Variants in MECOM observed in about 807,000 individuals in gnomAD.
MECOM encodes the protein histone-lysine N-methyltransferase MECOM.
A neutral mutation model predicts 116.3 loss-of-function variants in MECOM; 13 were observed. The observed-to-expected ratio is 0.11, with a 90% CI of 0.07 to 0.18. The LOEUF (loss-of-function observed/expected upper bound fraction) is 0.18, where lower values mean the gene tolerates loss of function less well. MECOM is among the 10% of genes least tolerant of loss of function. The pLI is 1.00. For missense variants in MECOM, 1,299 were observed against 1,509.0 expected (o/e 0.86, Z 2.31); for synonymous variants, 528 against 535.2 (o/e 0.99, Z 0.19).
intron 1 of MECOM, among the ~76,000 whole-genome samples, chr3:169,648,955 C>T (rs1364550041): frequency 6.6e-6 from 1 of 152,184 alleles, no homozygotes; most frequent in Non-Finnish European, 1.5e-5. Flanking sequence ...AGAACTTGTT[C>T]TTGAACTGTG....
At chr3:169,485,956 C>CTAT (rs1560340558) in intron 1 of MECOM, among the ~76,000 whole-genome samples, 1 of 33,896 alleles carries the variant, frequency 3.0e-5, no homozygotes, top group East Asian at 8.0e-4. Context: ...TATATATGTA[C>CTAT]ATATATACTA....
chr3:169,654,233 A>G (rs1775257199), intron 1 of MECOM, among the ~76,000 whole-genome samples: 1 of 152,176 alleles, frequency 6.6e-6, no homozygotes, highest in East Asian at 1.9e-4. Context: ...TTTTAATCCT[A>G]AAGACTTAAT....
intron 1 of MECOM, among the ~76,000 whole-genome samples, chr3:169,537,790 A>G (rs1280343449): frequency 6.6e-6 from 1 of 152,150 alleles, no homozygotes; most frequent in East Asian, 1.9e-4. Context: ...CTTTAAAAAC[A>G]AAGTAAAAAA....
At chr3:169,129,719 C>A (rs893678196) in intron 4 of MECOM, among the ~76,000 whole-genome samples, 27 of 152,162 alleles carry the variant, frequency 1.8e-4, no homozygotes, top group African/African-American at 6.0e-4. Flanking sequence ...AATCTCTAGG[C>A]CACATCATGC....
At chr3:169,102,661 A>G (rs1431714769) in intron 10 of MECOM, among the ~76,000 whole-genome samples, 2 of 152,170 alleles carry the variant, frequency 1.3e-5, no homozygotes, top group Non-Finnish European at 2.9e-5. Context: ...CAGTCCCAAG[A>G]AAAGAACTGA....
Position 169,152,347 on chromosome 3 carries a change from C to T in MECOM, c.376-8515G>A, listed in dbSNP as rs148499970. 5.7e-3 allele frequency among the ~76,000 whole-genome samples: 859 copies of T among 152,006 alleles called. 8 individuals are homozygous for T. Among genetic ancestry groups the T allele is most frequent in the African/African-American group, 0.018 (750 of 41,428 alleles). ...ATTTCCCTTGGTCTGGAAATGGGCC[C>T]GACTGAAAGCATGTTAATCTCCACC... On this transcript the variant is annotated intron_variant, in intron 2 of 16. Coordinates refer to ENST00000651503, the MANE Select transcript of MECOM (RefSeq NM_004991.4).
chr3:169,260,565 G>A (rs1330036068), intron 2 of MECOM, among the ~76,000 whole-genome samples: 3 of 151,290 alleles, frequency 2.0e-5, no homozygotes, highest in African/African-American at 4.9e-5. Context: ...TTGGCTTCAC[G>A]CTAAAGTAGC....
intron 1 of MECOM, among the ~76,000 whole-genome samples, chr3:169,455,992 A>G (rs2108700241): frequency 6.6e-6 from 1 of 152,322 alleles, no homozygotes; most frequent in African/African-American, 2.4e-5. Flanking sequence ...TCATTTCATT[A>G]TCAGTGTTTC....
At chr3:169,498,911 A>C (rs183356651) in intron 1 of MECOM, among the ~76,000 whole-genome samples, 1 of 152,298 alleles carries the variant, frequency 6.6e-6, no homozygotes, top group East Asian at 1.9e-4. Flanking sequence ...GAAAAAAACC[A>C]ATTGGAAATT....
intron 2 of MECOM, among the ~76,000 whole-genome samples, chr3:169,163,029 AATG>A (rs1372963029): frequency 2.0e-5 from 3 of 152,272 alleles, no homozygotes; most frequent in African/African-American, 4.8e-5. Flanking sequence ...CATTTGCAAT[AATG>A]ATAATAATAA....
At chr3:169,646,790 A>T (rs1357548175) in intron 1 of MECOM, among the ~76,000 whole-genome samples, 1 of 152,248 alleles carries the variant, frequency 6.6e-6, no homozygotes, top group Non-Finnish European at 1.5e-5. Context: ...GTAAATGATA[A>T]GGTATAATTA....
chr3:169,570,246 G>A (rs373005987), intron 1 of MECOM, among the ~76,000 whole-genome samples: 8 of 152,116 alleles, frequency 5.3e-5, no homozygotes, highest in Admixed American at 2.6e-4. Flanking sequence ...TAGAAGAAAT[G>A]GATGAATTCC....
intron 1 of MECOM, among the ~76,000 whole-genome samples, chr3:169,632,529 G>T (rs1441910013): frequency 1.3e-5 from 2 of 152,102 alleles, no homozygotes; most frequent in East Asian, 3.9e-4. Context: ...TTTTACACAT[G>T]GGCTAACTCA....
At chr3:169,153,428 A>G (rs1741469569) in intron 2 of MECOM, among the ~76,000 whole-genome samples, 1 of 152,204 alleles carries the variant, frequency 6.6e-6, no homozygotes, top group Non-Finnish European at 1.5e-5. Flanking sequence ...TACGATTATC[A>G]TTAGTCTCAA....
intron 1 of MECOM, among the ~76,000 whole-genome samples, chr3:169,436,031 C>T (rs1335120642): frequency 2.0e-5 from 3 of 152,140 alleles, no homozygotes; most frequent in Non-Finnish European, 4.4e-5. Context: ...AACATAGGCA[C>T]TTGCTGGAAT....
intron 2 of MECOM, among the ~76,000 whole-genome samples, chr3:169,281,737 A>G (rs1241112461): frequency 2.6e-5 from 4 of 152,172 alleles, no homozygotes; most frequent in Non-Finnish European, 5.9e-5. Flanking sequence ...ACCTGAGCCC[A>G]GGAGGTTGAT....
intron 1 of MECOM, among the ~76,000 whole-genome samples, chr3:169,475,700 A>C (rs960763406): frequency 6.6e-6 from 1 of 152,250 alleles, no homozygotes; most frequent in Non-Finnish European, 1.5e-5. Flanking sequence ...CAGATTTTGT[A>C]ATCCTTTCCA....
At chr3:169,399,626 G>A (rs964167669) in intron 1 of MECOM, among the ~76,000 whole-genome samples, 4 of 152,180 alleles carry the variant, frequency 2.6e-5, no homozygotes, top group Admixed American at 6.5e-5. Flanking sequence ...AAATAAACCA[G>A]AGTACTGAGC....
At chr3:169,558,320 C>T (rs987671039) in intron 1 of MECOM, among the ~76,000 whole-genome samples, 13 of 152,114 alleles carry the variant, frequency 8.5e-5, no homozygotes, top group African/African-American at 1.9e-4. Flanking sequence ...GCTTTCAAAA[C>T]GTATTTAGTC....
Sources: gnomAD v4.1 joint callset for allele counts (sites outside exome capture counted in the v4.1 genomes callset) on GRCh38, gnomAD v4.1.1 for gene constraint, MANE v1.5 for transcripts, NCBI Gene and HGNC (gene_info 2026-07-23, HGNC 2026-07-21) for gene names.